The following FLT1 variants were observed in gnomAD, a reference collection of about 807,000 sequenced individuals.
The protein encoded by FLT1 is fms related receptor tyrosine kinase 1.
A neutral mutation model predicts 156.3 loss-of-function variants in FLT1; 49 were observed. That is an observed-to-expected ratio of 0.31 (90% CI 0.25 to 0.40). The LOEUF (loss-of-function observed/expected upper bound fraction) is 0.40, where lower values mean the gene tolerates loss of function less well. Ranked by LOEUF, FLT1 falls within the 10% of genes least tolerant of loss-of-function variation. FLT1 has a pLI of 1.00. For synonymous variants in FLT1, 594 were observed against 583.8 expected, an observed-to-expected ratio of 1.02 and a Z score of -0.25; for missense variants, 1,322 against 1,637.2, an observed-to-expected ratio of 0.81 and a Z score of 3.32.
intron 3 of FLT1, among the ~76,000 whole-genome samples, chr13:28,441,606 T>C (rs1454115940): frequency 2.0e-5 from 3 of 152,084 alleles, no homozygotes; most frequent in Non-Finnish European, 2.9e-5. Context: ...AAATATATAT[T>C]GATATAGTGG....
chr13:28,373,974 A>G (rs879578191), intron 14 of FLT1, among the ~76,000 whole-genome samples: 5 of 152,114 alleles, frequency 3.3e-5, no homozygotes, highest in South Asian at 2.1e-4. Flanking sequence ...TTCAAAGTAC[A>G]TTTCCGTGTG....
chr13:28,369,971 A>T (rs1242690028), intron 14 of FLT1, among the ~76,000 whole-genome samples: 1 of 152,176 alleles, frequency 6.6e-6, no homozygotes, highest in Non-Finnish European at 1.5e-5. Context: ...AGGTAGAGGC[A>T]GGAGGACAGC....
intron 10 of FLT1, among the ~76,000 whole-genome samples, chr13:28,412,350 C>CTTTCTTTCTTTCTT (rs71086853): frequency 2.1e-5 from 2 of 93,708 alleles, no homozygotes; most frequent in Admixed American, 1.1e-4. Context: ...TTCTTTCTTT[C>CTTTCTTTCTTTCTT]TCTTTCTTTC....
intron 16 of FLT1, among the ~76,000 whole-genome samples, chr13:28,343,825 G>A (rs575346379): frequency 2.0e-5 from 3 of 151,748 alleles, no homozygotes; most frequent in African/African-American, 7.3e-5. Flanking sequence ...TGTATTTTTA[G>A]TAGAGACGGG....
intron 12 of FLT1, among the ~76,000 whole-genome samples, chr13:28,394,503 C>G (rs1238681369): frequency 6.6e-6 from 1 of 152,094 alleles, no homozygotes; most frequent in Non-Finnish European, 1.5e-5. Context: ...GCAACAACAC[C>G]ATGGGTAGAA....
At chr13:28,482,135 T>A (rs1331379272) in intron 1 of FLT1, among the ~76,000 whole-genome samples, 1 of 152,194 alleles carries the variant, frequency 6.6e-6, no homozygotes, top group Non-Finnish European at 1.5e-5. Context: ...ATGGCTCATG[T>A]TTTTCCTCAT....
chr13:28,473,671 AAGAG>A (rs1227557664), intron 1 of FLT1, among the ~76,000 whole-genome samples: 4,293 of 118,198 alleles, frequency 0.036, 326 homozygotes, highest in African/African-American at 0.14. Flanking sequence ...GAAAGAAAGA[AAGAG>A]AGAGAGAGAG....
intron 13 of FLT1, chr13:28,385,699 C>A: frequency 1.0e-6 from 1 of 974,730 alleles, no homozygotes; most frequent in South Asian, 4.8e-5. Flanking sequence ...ATATTATTTT[C>A]TCTTAAAACA....
At chr13:28,357,459 G>C in intron 15 of FLT1, 95 bp downstream of exon 15, 3 of 1,269,136 alleles carry the variant, frequency 2.4e-6, no homozygotes, top group Non-Finnish European at 3.4e-6. Flanking sequence ...GAACAGACTG[G>C]AGCAGGCAGC....
At chr13:28,383,993 C>T (rs886266216) in intron 14 of FLT1, among the ~76,000 whole-genome samples, 19 of 152,202 alleles carry the variant, frequency 1.2e-4, no homozygotes, top group Admixed American at 3.3e-4. Flanking sequence ...CAATTTCCCA[C>T]GGATCCCATG....
intron 3 of FLT1, among the ~76,000 whole-genome samples, chr13:28,449,530 C>G (rs1878805296): frequency 6.6e-6 from 1 of 152,052 alleles, no homozygotes; most frequent in African/African-American, 2.4e-5. Flanking sequence ...TATACAAATT[C>G]AAAGGTGATA....
At chr13:28,303,571 T>C (rs1870611183) in intron 29 of FLT1, among the ~76,000 whole-genome samples, 1 of 149,396 alleles carries the variant, frequency 6.7e-6, no homozygotes, top group South Asian at 2.2e-4. Flanking sequence ...CTTGGTGTCA[T>C]TGGGCAGAAA....
chr13:28,420,150 C>T (rs1876917366), intron 10 of FLT1, among the ~76,000 whole-genome samples: 1 of 152,232 alleles, frequency 6.6e-6, no homozygotes, highest in African/African-American at 2.4e-5. Flanking sequence ...GGCTGTTGTC[C>T]GAACAGTCAC....
chr13:28,412,078 A>C (rs1235187012), intron 10 of FLT1, among the ~76,000 whole-genome samples: 1 of 152,160 alleles, frequency 6.6e-6, no homozygotes, highest in Non-Finnish European at 1.5e-5. Flanking sequence ...AAGCTGTAAA[A>C]TGTCTTTTAA....
intron 3 of FLT1, among the ~76,000 whole-genome samples, chr13:28,455,804 AACTC>A (rs1164877386): frequency 6.6e-6 from 1 of 152,232 alleles, no homozygotes; most frequent in East Asian, 1.9e-4. Context: ...GAAAACAAAC[AACTC>A]TGTTTAAAAT....
intron 29 of FLT1, among the ~76,000 whole-genome samples, chr13:28,306,388 T>C (rs1289471435): frequency 1.3e-5 from 2 of 152,116 alleles, no homozygotes; most frequent in African/African-American, 2.4e-5. Context: ...GCACCACGCA[T>C]AGGTGGGCAC....
At chr13:28,316,918 C>T (rs976612954) in intron 25 of FLT1, among the ~76,000 whole-genome samples, 1 of 152,254 alleles carries the variant, frequency 6.6e-6, no homozygotes, top group Non-Finnish European at 1.5e-5. Context: ...CCACTGCGCC[C>T]GGCCCCTATT....
intron 29 of FLT1, 127 bp from the exon 30 acceptor site, chr13:28,303,495 C>G (rs1266149379): frequency 5.0e-6 from 4 of 796,410 alleles, no homozygotes; most frequent in Non-Finnish European, 8.3e-6. Flanking sequence ...TTTTGGAACC[C>G]CCCCCCCCTC....
At chr13:28,474,678 G>A (rs924307555) in intron 1 of FLT1, among the ~76,000 whole-genome samples, 5 of 152,086 alleles carry the variant, frequency 3.3e-5, no homozygotes, top group Non-Finnish European at 7.4e-5. Context: ...GGGATGGAGG[G>A]TGACTGATAA....
Sources: allele counts gnomAD v4.1 joint callset (sites outside exome capture counted in the v4.1 genomes callset), GRCh38; gene constraint gnomAD v4.1.1; transcripts MANE v1.5; gene names NCBI Gene and HGNC (gene_info 2026-07-23, HGNC 2026-07-21).